The following PRDM5 variants were observed in gnomAD, a reference collection of about 807,000 sequenced individuals.
PRDM5 encodes PR/SET domain 5.
Under a neutral mutation model 81.2 loss-of-function variants are expected in PRDM5, and 56 were observed. That is an observed-to-expected ratio of 0.69 (90% CI 0.56 to 0.86). The LOEUF (loss-of-function observed/expected upper bound fraction) is 0.86, where lower values mean the gene tolerates loss of function less well. Among genes scored for constraint, PRDM5 ranks in the 40% least tolerant of loss-of-function variants. The pLI is 0.00. For missense variants in PRDM5, 697 were observed against 770.1 expected, an observed-to-expected ratio of 0.91 and a Z score of 1.12; for synonymous variants, 267 against 256.4, an observed-to-expected ratio of 1.04 and a Z score of -0.39.
At chr4:120,689,860 C>G (rs905810622), downstream of PRDM5, among the ~76,000 whole-genome samples, 1 of 152,110 alleles carries the variant, frequency 6.6e-6, no homozygotes, top group African/African-American at 2.4e-5. Flanking sequence ...AGTGATCTGC[C>G]TAACTTGGCC....
At chr4:120,805,060 A>G (rs187043780) in intron 8 of PRDM5, among the ~76,000 whole-genome samples, 1 of 152,334 alleles carries the variant, frequency 6.6e-6, no homozygotes, top group East Asian at 1.9e-4. Context: ...CCATCAGATA[A>G]TACTATCAAC....
intron 13 of PRDM5, among the ~76,000 whole-genome samples, chr4:120,770,174 A>G (rs1055575600): frequency 6.6e-6 from 1 of 152,044 alleles, no homozygotes; most frequent in African/African-American, 2.4e-5. Context: ...CTGGGATTAC[A>G]GGCACCCATC....
intron 2 of PRDM5, among the ~76,000 whole-genome samples, chr4:120,856,792 C>T (rs72680440): frequency 0.061 from 9,321 of 152,228 alleles, 455 homozygotes; most frequent in Middle Eastern, 0.17. Flanking sequence ...AAAATTCCTC[C>T]TAGTACCATG....
At chr4:120,746,950 C>G (rs1211352326) in intron 14 of PRDM5, among the ~76,000 whole-genome samples, 1 of 151,052 alleles carries the variant, frequency 6.6e-6, no homozygotes, top group Non-Finnish European at 1.5e-5. Context: ...ACCCAAAGGG[C>G]TATAAATCAT....
chr4:120,722,073 C>A (rs371310324), intron 14 of PRDM5, among the ~76,000 whole-genome samples: 2 of 152,100 alleles, frequency 1.3e-5, no homozygotes, highest in Non-Finnish European at 2.9e-5. Flanking sequence ...AAGGGAGAGC[C>A]GGCTACGCAG....
intron 1 of PRDM5, among the ~76,000 whole-genome samples, chr4:120,915,509 C>T (rs1299073418): frequency 4.6e-5 from 7 of 152,122 alleles, no homozygotes; most frequent in African/African-American, 1.4e-4. Context: ...CATGCAAGAG[C>T]GGAACAGCAG....
intron 7 of PRDM5, among the ~76,000 whole-genome samples, chr4:120,814,928 T>C (rs1342038824): frequency 6.6e-6 from 1 of 152,212 alleles, no homozygotes; most frequent in Non-Finnish European, 1.5e-5. Context: ...ATGAATTATT[T>C]CCTACAAAAT....
chr4:120,893,632 C>T (rs1375707308), intron 2 of PRDM5, among the ~76,000 whole-genome samples: 1 of 152,182 alleles, frequency 6.6e-6, no homozygotes, highest in Non-Finnish European at 1.5e-5. Flanking sequence ...TCTATATGTC[C>T]TTTCCAGGTT....
intron 13 of PRDM5, among the ~76,000 whole-genome samples, chr4:120,771,371 C>T (rs574389556): frequency 6.6e-6 from 1 of 151,932 alleles, no homozygotes; most frequent in Non-Finnish European, 1.5e-5. Context: ...GATTTAATTT[C>T]AAGGAAAAAA....
At chr4:120,873,782 T>C (rs916690673) in intron 2 of PRDM5, among the ~76,000 whole-genome samples, 1 of 152,256 alleles carries the variant, frequency 6.6e-6, no homozygotes, top group African/African-American at 2.4e-5. Flanking sequence ...TTGCCTTTAT[T>C]TGCCATGATT....
At position 120,869,072 on chromosome 4, in the gene PRDM5, G is replaced by C. The variant is rs551979106; in HGVS notation, c.178-15532C>G. Reference sequence around the variant, plus strand: ...GAATATACATATATATGTTTCCATCGATCTCTATGGCCTGACAGATTTTTT... The same window carrying C: ...GAATATACATATATATGTTTCCATCCATCTCTATGGCCTGACAGATTTTTT... On this transcript the variant is annotated intron_variant, in intron 2 of 15. Coordinates refer to ENST00000264808, the MANE Select transcript of PRDM5 (RefSeq NM_018699.4). 5.2e-4 allele frequency among the ~76,000 whole-genome samples: 79 copies of C among 152,048 alleles called. No homozygotes were observed. In the East Asian group the frequency reaches 9.5e-3, roughly 18 times the overall value.
chr4:120,805,659 T>G (rs1403586176), intron 8 of PRDM5, among the ~76,000 whole-genome samples: 1 of 152,212 alleles, frequency 6.6e-6, no homozygotes, highest in African/African-American at 2.4e-5. Context: ...TAGCCCTTCA[T>G]GCTAAAAACT....
rs988719138 is a variant in PRDM5, at chr4:120,794,654, C to T, written c.1188+3613G>A. Among the ~76,000 whole-genome samples the T allele has an allele frequency of 2.0e-4, 30 of 148,626 alleles. 1 individual carries two copies. The highest frequency in any genetic ancestry group is 3.6e-4 in the Non-Finnish European group (24 of 67,352). ...TTTTTTTTTTTTTAAGACGGAGTTT[C>T]GCTCTGTTGCTCAGGCTGGAGTGCA... On this transcript the variant is annotated intron_variant, in intron 10 of 15. Transcript: ENST00000264808.
chr4:120,784,850 A>G lies in PRDM5; in HGVS notation c.1282+148T>C, dbSNP rs116946568. The G allele has an allele frequency of 6.3e-4, 321 of 511,274 alleles. 2 individuals are homozygous for G. In the East Asian group the frequency reaches 7.6e-3, roughly 12 times the overall value. The allele number at this position is 511,274 out of a possible 1,614,324, so 31.7% of individuals were successfully genotyped here. The stretch of plus-strand genomic sequence containing the variant: ...CAAATATAAAGCGAAAAAAAGTGAA[A>G]GGCAGAATTTTCGGTCTTTCTTATG... On this transcript the variant is annotated intron_variant, in intron 11 of 15. Coordinates refer to ENST00000264808, the MANE Select transcript of PRDM5 (RefSeq NM_018699.4).
intron 15 of PRDM5, among the ~76,000 whole-genome samples, chr4:120,703,676 C>A (rs1735701858): frequency 1.3e-5 from 2 of 152,104 alleles, no homozygotes; most frequent in South Asian, 2.1e-4. Flanking sequence ...TCCTCACAGT[C>A]ATGCTTTTAA....
chr4:120,859,480 C>T (rs1760314066), intron 2 of PRDM5, among the ~76,000 whole-genome samples: 1 of 152,172 alleles, frequency 6.6e-6, no homozygotes. Context: ...CTGCCTTGAC[C>T]TCCCAAAGTG....
At chr4:120,855,578 TG>T (rs34958596) in intron 2 of PRDM5, among the ~76,000 whole-genome samples, 10 of 152,208 alleles carry the variant, frequency 6.6e-5, no homozygotes, top group South Asian at 2.1e-4. Context: ...TCTGCCTCAA[TG>T]GGCATGTCAG....
chr4:120,701,236 A>T (rs1735316044), intron 15 of PRDM5, among the ~76,000 whole-genome samples: 1 of 146,466 alleles, frequency 6.8e-6, no homozygotes, highest in Admixed American at 6.8e-5. Context: ...AGGGAATGTA[A>T]ATTAGTTCAA....
chr4:120,809,400 T>A (rs1168207594), intron 8 of PRDM5, among the ~76,000 whole-genome samples: 1 of 145,458 alleles, frequency 6.9e-6, no homozygotes, highest in Non-Finnish European at 1.6e-5. Flanking sequence ...AATAAAAAAA[T>A]ACTTTTAAAA....
Sources: gnomAD v4.1 joint callset for allele counts (sites outside exome capture counted in the v4.1 genomes callset) on GRCh38, gnomAD v4.1.1 for gene constraint, MANE v1.5 for transcripts, NCBI Gene and HGNC (gene_info 2026-07-23, HGNC 2026-07-21) for gene names.